PLEC: variants seen among roughly 807,000 people sequenced by gnomAD.
The protein encoded by PLEC is plectin, also known as hemidesmosomal protein 1.
A neutral mutation model predicts 392.8 loss-of-function variants in PLEC; 216 were observed. The ratio of observed to expected loss-of-function variants is 0.55; its 90% CI spans 0.49 to 0.62. The LOEUF (loss-of-function observed/expected upper bound fraction) is 0.62, where lower values mean the gene tolerates loss of function less well. Among genes scored for constraint, PLEC ranks in the 20% least tolerant of loss-of-function variants. PLEC has a pLI of 0.00. For missense variants in PLEC, 6,863 were observed against 6,563.4 expected (o/e 1.05, Z -1.58); for synonymous variants, 3,621 against 2,980.6 (o/e 1.21, Z -7.00).
Position 143,916,087 on chromosome 8 carries a change from G to C in PLEC, c.*90C>G. 3.5e-6 allele frequency: 3 copies of C among 847,290 alleles called. No homozygotes were observed. The highest frequency in any genetic ancestry group is 5.3e-6 in the Non-Finnish European group (3 of 567,066). 52.5% of individuals were successfully genotyped at this position (847,290 alleles called of 1,614,324 possible). A position where few individuals can be genotyped will look rare whatever the true frequency, so the allele number is the denominator to read the frequency against. On this transcript the variant is annotated 3_prime_UTR_variant, in exon 32 of 32. Transcript: ENST00000345136. ...GTTAAACTTTAGGCACCACTTGGGA[G>C]GAAGACACCTTTAAGCGTTGAAAAC...
At chr8:143,947,476 G>C (rs1554732988) in intron 1 of PLEC, among the ~76,000 whole-genome samples, 2 of 152,216 alleles carry the variant, frequency 1.3e-5, no homozygotes, top group African/African-American at 4.8e-5. Flanking sequence ...AATTAGGGCT[G>C]GGCGGTAGCT....
At position 143,921,197 on chromosome 8, in the gene PLEC, G is replaced by C; in HGVS notation, c.8624C>G (p.Pro2875Arg). Residue 2875 changes from proline to arginine, a missense_variant, in exon 32 of 32, where the codon CCC becomes CGC. Physicochemically the swap from Pro to Arg is moderately radical, Grantham distance 103. Transcript: ENST00000345136. ...LQLLERCVED[P>R]ETGLCLLPLT... is the part of the protein sequence containing the mutation. The stretch of plus-strand genomic sequence containing the variant: ...TGGCAGAAGGCACAGGCCCGTCTCG[G>C]GGTCCTCCACGCAGCGCTCCAGTAG... 7 of 1,614,002 alleles carry C rather than the reference G, an allele frequency of 4.3e-6. No homozygotes were observed. Among genetic ancestry groups the C allele is most frequent in the Non-Finnish European group, 5.9e-6 (7 of 1,180,050 alleles).
At position 143,919,016 on chromosome 8, in the gene PLEC, G is replaced by C. The variant is rs782638131; in HGVS notation, c.10805C>G (p.Ala3602Gly). Residue 3602 changes from alanine (A) to glycine (G), a missense_variant, in exon 32 of 32, where the codon GCC (alanine) becomes GGC (glycine). Coordinates refer to ENST00000345136, the MANE Select transcript of PLEC (RefSeq NM_201384.3). ...QSDLIPEEQR[A>G]QLMADFQAGR... ...GGCCTGGAAGTCAGCCATCAGCTGG[G>C]CCCGCTGCTCCTCGGGGATCAGGTC... 6.2e-7 allele frequency: 1 copy of C among 1,611,242 alleles called. No homozygotes were observed. Among genetic ancestry groups the C allele is most frequent in the Non-Finnish European group, 8.5e-7 (1 of 1,180,010 alleles).
Position 143,917,469 on chromosome 8 carries a change from G to A in PLEC, c.12352C>T (p.Leu4118Phe), listed in dbSNP as rs571797590. ...CGCTTCTTCTCCTTCAGCGGCAAGA[G>A]ACACAGGCCCGTCTGGGGGTCAGTG... Reference protein sequence around the residue: ...CITDPQTGLCLLPLKEKKRER... With the variant: ...CITDPQTGLCFLPLKEKKRER... Residue 4118 changes from leucine to phenylalanine, a missense_variant, in exon 32 of 32, where the codon CTC becomes TTC. Physicochemically the swap from Leu to Phe is conservative, Grantham distance 22. Coordinates refer to ENST00000345136, the MANE Select transcript of PLEC (RefSeq NM_201384.3). 74 of 1,613,798 alleles carry A rather than the reference G, an allele frequency of 4.6e-5. 2 individuals are homozygous for A. In the South Asian group the frequency reaches 7.1e-4, roughly 16 times the overall value.
Position 143,929,461 on chromosome 8 carries a change from C to G in PLEC, c.3034G>C (p.Asp1012His). Residue 1012 changes from aspartate to histidine, a missense_variant, in exon 24 of 32, where the codon GAC becomes CAC. Coordinates refer to ENST00000345136, the MANE Select transcript of PLEC (RefSeq NM_201384.3). ...RTVHRLRLPL[D>H]KEPARECAQR... ...GCACACTCCCGTGCCGGCTCTTTGT[C>G]CAGCGGCAGCCGCAGGCGGTGCACG... The G allele has an allele frequency of 5.0e-6, 8 of 1,595,214 alleles. No homozygotes were observed. Among genetic ancestry groups the G allele is most frequent in the South Asian group, 1.1e-5 (1 of 89,116 alleles).
In PLEC at chr8:143,924,594, G is replaced by A. The variant is rs927107716; in HGVS notation, c.5335C>T (p.Arg1779Cys). Residue 1779 changes from arginine to cysteine, a missense_variant, in exon 31 of 32, where the codon CGC (arginine) becomes TGC (cysteine). Physicochemically the swap from Arg to Cys is radical, Grantham distance 180. Coordinates refer to ENST00000345136, the MANE Select transcript of PLEC (RefSeq NM_201384.3). ...ASKARAEEESRSTSEKSKQRL... is the reference protein window; with the variant it reads ...ASKARAEEESCSTSEKSKQRL... ...TGCTTGGACTTCTCGCTGGTGGAGC[G>A]CGACTCCTCCTCAGCCCTCGCCTTG... The A allele has an allele frequency of 1.9e-5, 29 of 1,549,080 alleles. No homozygotes were observed. The highest frequency in any genetic ancestry group is 4.8e-5 in the East Asian group (2 of 41,646).
Position 143,924,673 on chromosome 8 carries a change from C to A in PLEC, c.5256G>T (p.Glu1752Asp), listed in dbSNP as rs782572982. The stretch of plus-strand genomic sequence containing the variant: ...GCACCTTGGCCAGCTCGGCTTCCAG[C>A]TCCTGCCGTTTCTGCGTGGCTGCAG... ...EAAAATQKRQELEAELAKVRA... is the reference protein window; with the variant it reads ...EAAAATQKRQDLEAELAKVRA... The change falls in exon 31 of 32, where the codon GAG becomes GAT. Residue 1752 changes from glutamate to aspartate, a missense_variant. Glu to Asp is a conservative substitution (Grantham distance 45, BLOSUM62 2). Transcript: ENST00000345136. 7.2e-6 allele frequency: 11 copies of A among 1,535,108 alleles called. No individual in the cohort carries two copies. The Middle Eastern group carries it at 6.7e-4, about 93-fold the overall frequency.
intron 5 of PLEC, among the ~76,000 whole-genome samples, chr8:143,936,454 A>G (rs996796123): frequency 1.3e-5 from 2 of 152,182 alleles, no homozygotes; most frequent in African/African-American, 4.8e-5. Context: ...GTCGAGCTCC[A>G]TCGATGGTTG....
At position 143,917,023 on chromosome 8, in the gene PLEC, C is replaced by A; in HGVS notation, c.12798G>T (p.Gln4266His). ...CAGTGGGGTCTGACCAGGAGGCCAGCTGGGTCCTGGAGACGGCGGGGCTGA... is the reference window on the plus strand; with the variant it reads ...CAGTGGGGTCTGACCAGGAGGCCAGATGGGTCCTGGAGACGGCGGGGCTGA... ...YPISPAVSRTQLASWSDPTEE... is the reference protein window; with the variant it reads ...YPISPAVSRTHLASWSDPTEE... The change falls in exon 32 of 32, where the codon CAG (glutamine) becomes CAT (histidine). Residue 4266 changes from glutamine to histidine, a missense_variant. Gln to His is a conservative substitution (Grantham distance 24). Transcript: ENST00000345136. The A allele has an allele frequency of 6.2e-7, 1 of 1,612,322 alleles. No homozygotes were observed. Among genetic ancestry groups the A allele is most frequent in the Non-Finnish European group, 8.5e-7 (1 of 1,179,474 alleles).
intron 21 of PLEC, 23 bp from the exon 22 acceptor site, chr8:143,930,085 AGC>A (rs1826720772): frequency 6.2e-7 from 1 of 1,605,920 alleles, no homozygotes; most frequent in Admixed American, 1.7e-5. Context: ...GGCTACAGTC[AGC>A]GTCACCAGCG....
chr8:143,973,583 CCCGCCCCCGCA>C (rs1302011398), upstream of PLEC: 3 of 969,538 alleles, frequency 3.1e-6, no homozygotes, highest in Non-Finnish European at 3.7e-6. This position sits in a 1 kb window ranked among gnomAD's most constrained non-coding sequence, Gnocchi z 5.6. Flanking sequence ...CCGCCCCCGC[CCCGCCCCCGCA>C]CCCAGGATGC....
Position 143,937,073 on chromosome 8 carries a change from T to C in PLEC, c.343-2A>G. ...ATTCCTGATGTTCACCAGCTTCACC[T>C]GTGAGCGAGGGGCTCTCGGTCACGG... On this transcript the variant is annotated splice_acceptor_variant, in intron 4 of 31. Transcript: ENST00000345136. LOFTEE classifies it high-confidence loss of function. The C allele has an allele frequency of 6.2e-7, 1 of 1,612,376 alleles. No homozygotes were observed. The highest frequency in any genetic ancestry group is 8.5e-7 in the Non-Finnish European group (1 of 1,179,326).
chr8:143,950,203 C>G, exon 1 of PLEC: 1 of 1,536,212 alleles, frequency 6.5e-7, no homozygotes, highest in Non-Finnish European at 8.8e-7. Context: ...GGGCAGGCTC[C>G]GGGCCTGGCC....
At position 143,929,251 on chromosome 8, in the gene PLEC, T is replaced by C; in HGVS notation, c.3112A>G (p.Lys1038Glu). 6.2e-7 allele frequency: 1 copy of C among 1,601,712 alleles called. No homozygotes were observed. The highest frequency in any genetic ancestry group is 8.5e-7 in the Non-Finnish European group (1 of 1,179,460). The change falls in exon 25 of 32, where the codon AAG (lysine) becomes GAG (glutamate). Residue 1038 changes from lysine (K) to glutamate (E), a missense_variant. Coordinates refer to ENST00000345136, the MANE Select transcript of PLEC (RefSeq NM_201384.3). Reference protein sequence around the residue: ...KAQAEVEGLGKGVARLSAEAE... With the variant: ...KAQAEVEGLGEGVARLSAEAE... ...TCGGCAGAGAGCCGGGCGACCCCCT[T>C]GCCCAGCCCCTCCACCTCTGCCTGT...
chr8:143,968,832 A>G lies in PLEC; in HGVS notation c.70+4571T>C, dbSNP rs113705620. ...ACACCCACTAGGATTGGATGTCTGC[A>G]ATCAAAGAGTCAGATAATAACAAGT... On this transcript the variant is annotated intron_variant, in intron 1 of 31. Coordinates refer to the PLEC transcript ENST00000356346. Among the ~76,000 whole-genome samples, 537 of 152,366 alleles carry G rather than the reference A, an allele frequency of 3.5e-3. 5 individuals carry two copies. Among genetic ancestry groups the G allele is most frequent in the African/African-American group, 0.013 (520 of 41,580 alleles).
At position 143,924,808 on chromosome 8, in the gene PLEC, C is replaced by A; in HGVS notation, c.5121G>T (p.Gln1707His). The change falls in exon 31 of 32, where the codon CAG (glutamine) becomes CAT (histidine). Residue 1707 changes from glutamine (Q) to histidine (H), a missense_variant. By Grantham distance (24) the Gln-to-His change is conservative. Transcript: ENST00000345136. ...TCAACTCCTGCTCCGCGGCCAGGCG[C>A]TGCTGCGCGGTGCCTTCCGCCAGCT... ...QRQLAEGTAQ[Q>H]RLAAEQELIR... The A allele has an allele frequency of 6.5e-7, 1 of 1,539,678 alleles. No individual in the cohort carries two copies. The highest frequency in any genetic ancestry group is 8.7e-7 in the Non-Finnish European group (1 of 1,149,326).
chr8:143,918,026 G>A lies in PLEC; in HGVS notation c.11795C>T (p.Thr3932Ile). 2 of 1,610,406 alleles carry A rather than the reference G, an allele frequency of 1.2e-6. No homozygotes were observed. The highest frequency in any genetic ancestry group is 1.7e-6 in the Non-Finnish European group (2 of 1,179,322). The change falls in exon 32 of 32, where the codon ACC becomes ATC. Residue 3932 changes from threonine to isoleucine, a missense_variant. Thr to Ile is a moderately conservative substitution (Grantham distance 89). Transcript: ENST00000345136. ...CACGAAGACACCAGCGATGCAGCTG[G>A]TGCCTTCCAGGAACTTCTGCAAGTT... ...TKNLQKFLEG[T>I]SCIAGVFVDA... is the part of the protein sequence containing the mutation.
In PLEC at chr8:143,915,345, G is replaced by A. The variant is rs1554667085; in HGVS notation, c.*832C>T. ...GCTGAGACCAGGGCTGGGTGCAACA[G>A]GAGGGTCAGCACAGAGCCTGGCTGG... is the stretch of plus-strand genomic sequence containing the variant. On this transcript the variant is annotated 3_prime_UTR_variant, in exon 32 of 32. Transcript: ENST00000345136. The A allele has an allele frequency of 1.3e-5, 2 of 152,564 alleles. No individual in the cohort carries two copies. The highest frequency in any genetic ancestry group is 6.5e-5 in the Admixed American group (1 of 15,310). 9.5% of individuals were successfully genotyped at this position (152,564 alleles called of 1,614,324 possible).
intron 1 of PLEC, among the ~76,000 whole-genome samples, chr8:143,968,835 C>G (rs916132045): frequency 1.3e-5 from 2 of 152,154 alleles, no homozygotes; most frequent in African/African-American, 4.8e-5. Context: ...TGTCTGCAAT[C>G]AAAGAGTCAG....
Sources: gnomAD v4.1 joint callset for allele counts (sites outside exome capture counted in the v4.1 genomes callset) on GRCh38, gnomAD v4.1.1 for gene constraint, Gnocchi (gnomAD v3.1) non-coding constraint, MANE v1.5 for transcripts, NCBI Gene and HGNC (gene_info 2026-07-23, HGNC 2026-07-21) for gene names.